The following DCDC1 variants were observed in gnomAD, a reference collection of about 807,000 sequenced individuals.
DCDC1 encodes doublecortin domain containing 1.
A neutral mutation model predicts 178.3 loss-of-function variants in DCDC1; 200 were observed. The observed-to-expected ratio is 1.12, with a 90% CI of 1.00 to 1.26. The LOEUF (loss-of-function observed/expected upper bound fraction) is 1.26, where lower values mean the gene tolerates loss of function less well. Ranked by LOEUF, DCDC1 falls within the 50% of genes most tolerant of loss-of-function variation. The pLI, the probability that DCDC1 is intolerant of heterozygous loss-of-function variation, is 0.00. For synonymous variants in DCDC1, 690 were observed against 604.8 expected (o/e 1.14, Z -2.07); for missense variants, 1,983 against 1,749.2 (o/e 1.13, Z -2.38).
intron 9 of DCDC1, among the ~76,000 whole-genome samples, chr11:31,231,295 T>G: frequency 6.6e-6 from 1 of 152,074 alleles, no homozygotes; most frequent in Non-Finnish European, 1.5e-5. Flanking sequence ...TCCCACTTCT[T>G]CCTTAACAGA....
chr11:30,923,544 T>C lies in DCDC1; in HGVS notation c.2998-906A>G, dbSNP rs536116486. Among the ~76,000 whole-genome samples, 31 of 151,088 alleles carry C rather than the reference T, an allele frequency of 2.1e-4. No individual in the cohort carries two copies. The South Asian group carries it at 5.7e-3, about 28-fold the overall frequency. ...ACCTCAGTGCTGCCTTTTCTGATCA[T>C]TGCAAAGTCATTATTACAAACATTC... is the stretch of plus-strand genomic sequence containing the variant. On this transcript the variant is annotated intron_variant, in intron 23 of 38. Transcript: ENST00000684477.
intron 20 of DCDC1, among the ~76,000 whole-genome samples, chr11:31,035,494 G>A (rs1242418509): frequency 3.9e-5 from 6 of 152,242 alleles, no homozygotes; most frequent in Admixed American, 6.5e-5. Context: ...CTTTTGACTT[G>A]TCTAATGTTT....
At chr11:30,922,376 G>T in intron 24 of DCDC1, 127 bp downstream of exon 24, 1 of 1,108,492 alleles carries the variant, frequency 9.0e-7, no homozygotes, top group Non-Finnish European at 1.2e-6. Context: ...TTAGTTTAAA[G>T]AGTTAAACAG....
At chr11:31,003,947 G>A (rs1951704824) in intron 20 of DCDC1, among the ~76,000 whole-genome samples, 1 of 152,114 alleles carries the variant, frequency 6.6e-6, no homozygotes, top group Non-Finnish European at 1.5e-5. Context: ...ATGAGGAGAT[G>A]GTACGAATGA....
chr11:30,883,531 A>G (rs1025242250), intron 36 of DCDC1: 3 of 439,580 alleles, frequency 6.8e-6, no homozygotes, highest in African/African-American at 6.2e-5. Flanking sequence ...AGGATAAGGC[A>G]AAGTTTATGA....
chr11:31,023,844 T>C (rs957790121), intron 20 of DCDC1, among the ~76,000 whole-genome samples: 1 of 152,040 alleles, frequency 6.6e-6, no homozygotes, highest in Non-Finnish European at 1.5e-5. Flanking sequence ...TAAGGCAATC[T>C]AGCTTTTAAA....
intron 9 of DCDC1, among the ~76,000 whole-genome samples, chr11:31,228,459 G>C (rs1049915598): frequency 2.6e-5 from 4 of 151,938 alleles, no homozygotes; most frequent in Non-Finnish European, 5.9e-5. Context: ...CAATAGAAAA[G>C]TAGAAAGGTC....
intron 9 of DCDC1, among the ~76,000 whole-genome samples, chr11:31,185,497 G>A (rs1219147660): frequency 4.6e-5 from 7 of 152,100 alleles, no homozygotes; most frequent in African/African-American, 2.4e-5. Context: ...AGAGTCAGTG[G>A]AGAAATACTC....
rs562341556 is a variant in DCDC1 at position 30,863,838 on chromosome 11, T to A, written c.*1535A>T. The A allele has an allele frequency of 6.6e-6, 1 of 152,160 alleles. No individual in the cohort carries two copies. The highest frequency in any genetic ancestry group is 2.4e-5 in the African/African-American group (1 of 41,442). The allele number at this position is 152,160 out of a possible 1,614,324, so 9.4% of individuals were successfully genotyped here. On this transcript the variant is annotated 3_prime_UTR_variant, in exon 39 of 39. Coordinates refer to ENST00000684477, the MANE Select transcript of DCDC1 (RefSeq NM_001387274.1). ...ACATCCACAGTTCTGTGCACAAACA[T>A]TTTTTGGGCTGGGTGTGGTGGCTTA...
At chr11:30,974,694 A>T (rs1437589668) in intron 20 of DCDC1, among the ~76,000 whole-genome samples, 1 of 152,146 alleles carries the variant, frequency 6.6e-6, no homozygotes, top group African/African-American at 2.4e-5. Flanking sequence ...ACCAATAAGA[A>T]GTAATGAGTT....
At chr11:31,265,385 A>G (rs1269925640) in intron 8 of DCDC1, 122 bp downstream of exon 8, 2 of 416,944 alleles carry the variant, frequency 4.8e-6, no homozygotes, top group Non-Finnish European at 8.2e-6. Flanking sequence ...AAGAATATTT[A>G]TCCAAGTTAT....
chr11:30,940,504 C>T (rs752639943), intron 21 of DCDC1, among the ~76,000 whole-genome samples: 2 of 152,146 alleles, frequency 1.3e-5, no homozygotes, highest in Non-Finnish European at 2.9e-5. Context: ...TCCTTGGCTG[C>T]AGCCCAGTTA....
chr11:31,086,815 T>G (rs1053308999), intron 17 of DCDC1, among the ~76,000 whole-genome samples: 5 of 152,188 alleles, frequency 3.3e-5, no homozygotes, highest in African/African-American at 1.2e-4. Flanking sequence ...ATTTTGTTAA[T>G]CATTTTTTGC....
At chr11:31,027,508 A>G (rs1051773385) in intron 20 of DCDC1, among the ~76,000 whole-genome samples, 2 of 151,836 alleles carry the variant, frequency 1.3e-5, no homozygotes, top group Non-Finnish European at 3.0e-5. Context: ...CACAGAAATA[A>G]CACTTGTTGA....
intron 20 of DCDC1, among the ~76,000 whole-genome samples, chr11:31,021,684 G>A (rs1398221890): frequency 6.6e-6 from 1 of 152,088 alleles, no homozygotes; most frequent in African/African-American, 2.4e-5. Context: ...TTGAAACTCT[G>A]ATTTTTGAAC....
intron 20 of DCDC1, among the ~76,000 whole-genome samples, chr11:30,997,951 T>G (rs1297073040): frequency 6.6e-6 from 1 of 151,964 alleles, no homozygotes; most frequent in Admixed American, 6.6e-5. Context: ...AACCACAAGA[T>G]GAACTTTGAT....
At chr11:31,048,697 TA>T (rs914073648) in intron 20 of DCDC1, among the ~76,000 whole-genome samples, 12 of 149,080 alleles carry the variant, frequency 8.0e-5, no homozygotes, top group South Asian at 2.1e-4. Context: ...ACTAAAAATA[TA>T]AAAAAAAAAT....
intron 20 of DCDC1, among the ~76,000 whole-genome samples, chr11:31,017,587 A>T (rs1040514593): frequency 6.8e-6 from 1 of 147,682 alleles, no homozygotes; most frequent in Admixed American, 6.8e-5. Context: ...TAAGTTATTA[A>T]TTTTTTTTTT....
intron 21 of DCDC1, among the ~76,000 whole-genome samples, chr11:30,948,070 G>T: frequency 6.6e-6 from 1 of 152,250 alleles, no homozygotes; most frequent in Admixed American, 6.5e-5. Flanking sequence ...AATTGTCTCT[G>T]TTTGCAGATA....
Sources: gnomAD v4.1 joint callset for allele counts (sites outside exome capture counted in the v4.1 genomes callset) on GRCh38, gnomAD v4.1.1 for gene constraint, MANE v1.5 for transcripts, NCBI Gene and HGNC (gene_info 2026-07-23, HGNC 2026-07-21) for gene names.